ASGR1: variants seen among roughly 807,000 people sequenced by gnomAD.
ASGR1 encodes asialoglycoprotein receptor 1.
A neutral mutation model predicts 33.1 loss-of-function variants in ASGR1; 35 were observed. That is an observed-to-expected ratio of 1.06 (90% CI 0.81 to 1.40). The LOEUF (loss-of-function observed/expected upper bound fraction) is 1.40. Among genes scored for constraint, ASGR1 ranks in the 40% most tolerant of loss-of-function variants. ASGR1 has a pLI of 0.00. For synonymous variants in ASGR1, 142 were observed against 152.5 expected (o/e 0.93, Z 0.51); for missense variants, 396 against 373.7 (o/e 1.06, Z -0.49).
chr17:7,176,932 C>T (rs768291558), intron 4 of ASGR1, 31 bp from the exon 5 acceptor site: 1 of 1,609,814 alleles, frequency 6.2e-7, no homozygotes, highest in East Asian at 2.2e-5. Context: ...GCGTTCCCGA[C>T]AGCCCCCCAG....
chr17:7,176,459 A>C (rs2069210595), intron 5 of ASGR1, among the ~76,000 whole-genome samples: 1 of 141,338 alleles, frequency 7.1e-6, no homozygotes, highest in Admixed American at 7.1e-5. Flanking sequence ...ACTCCCTCTC[A>C]TTCCCACAGA....
At chr17:7,176,792 T>TACACACACA (rs2069220994) in intron 5 of ASGR1, 38 bp downstream of exon 5, 1 of 894,290 alleles carries the variant, frequency 1.1e-6, no homozygotes, top group Admixed American at 2.8e-5. Flanking sequence ...TCACTCTCTT[T>TACACACACA]CACACACACA....
At position 7,176,816 on chromosome 17, in the gene ASGR1, A is replaced by T. The variant is rs536081368; in HGVS notation, c.355+14T>A. 1.9e-6 allele frequency: 3 copies of T among 1,607,178 alleles called. No homozygotes were observed. The highest frequency in any genetic ancestry group is 1.7e-6 in the Non-Finnish European group (2 of 1,178,954). ...TTCACACACACACACACACACACAC[A>T]CTCCCTCTCTGACCTTCACTCAGGT... On this transcript the variant is annotated intron_variant, in intron 5 of 8. Coordinates refer to ENST00000269299, the MANE Select transcript of ASGR1 (RefSeq NM_001671.5).
chr17:7,176,792 T>TCTCA (rs145025195), intron 5 of ASGR1, 38 bp downstream of exon 5: 26 of 1,475,138 alleles, frequency 1.8e-5, no homozygotes, highest in South Asian at 1.3e-4. Flanking sequence ...TCACTCTCTT[T>TCTCA]CACACACACA....
intron 5 of ASGR1, among the ~76,000 whole-genome samples, chr17:7,175,330 CAA>C (rs1243116816): frequency 6.8e-6 from 1 of 147,278 alleles, no homozygotes; most frequent in African/African-American, 2.5e-5. Context: ...ACGACACACA[CAA>C]CACACCTTCA....
At chr17:7,175,401 TCACA>T (rs2069185448) in intron 5 of ASGR1, among the ~76,000 whole-genome samples, 2 of 132,870 alleles carry the variant, frequency 1.5e-5, no homozygotes, top group Admixed American at 7.4e-5. Flanking sequence ...CAACACACCC[TCACA>T]CAGGCACACA....
Position 7,173,930 on chromosome 17 carries a change from G to A in ASGR1, c.701+31C>T, listed in dbSNP as rs768379651. ...AGGGCCCCAGGGCGCGAAGGCGGCC[G>A]GACCCAGGCCGAGGGAGGGCGCGCA... On this transcript the variant is annotated intron_variant, in intron 8 of 8. Transcript: ENST00000269299. The surrounding 1 kb of genome is among the most constrained non-coding windows in gnomAD (Gnocchi z 4.7). 2 of 1,613,350 alleles carry A rather than the reference G, an allele frequency of 1.2e-6. No homozygotes were observed. The highest frequency in any genetic ancestry group is 1.7e-6 in the Non-Finnish European group (2 of 1,179,706).
chr17:7,177,112 A>G (rs1456924160), intron 3 of ASGR1, 36 bp from the exon 4 acceptor site: 7 of 1,613,270 alleles, frequency 4.3e-6, no homozygotes, highest in South Asian at 1.1e-5. Flanking sequence ...AGAAAACGGG[A>G]TCGCTGTGTC....
intron 5 of ASGR1, among the ~76,000 whole-genome samples, chr17:7,174,972 TACAC>T (rs577527473): frequency 4.1e-5 from 5 of 123,370 alleles, no homozygotes; most frequent in African/African-American, 1.3e-4. Flanking sequence ...AACACACCCT[TACAC>T]ACACATACAT....
intron 5 of ASGR1, 176 bp downstream of exon 5, chr17:7,176,654 C>G: frequency 1.2e-6 from 1 of 819,624 alleles, no homozygotes; most frequent in Non-Finnish European, 1.9e-6. Flanking sequence ...CCACACAAGG[C>G]TCTCATACAC....
At chr17:7,175,090 G>GACAACACACAAAACACACAAACAC in intron 5 of ASGR1, among the ~76,000 whole-genome samples, 1 of 118,726 alleles carries the variant, frequency 8.4e-6, no homozygotes, top group Admixed American at 8.7e-5. Flanking sequence ...CACATACACA[G>GACAACACACAAAACACACAAACAC]ACAACACACA....
intron 5 of ASGR1, among the ~76,000 whole-genome samples, chr17:7,176,054 ACT>A (rs374879549): frequency 6.6e-4 from 94 of 141,916 alleles, no homozygotes; most frequent in Middle Eastern, 4.0e-3. Context: ...ATTCACACAG[ACT>A]CACACACCCA....
chr17:7,177,538 C>CGGG (rs1567794550), intron 2 of ASGR1: 17 of 530,954 alleles, frequency 3.2e-5, no homozygotes, highest in African/African-American at 2.9e-4. Context: ...AGCGCTGAGC[C>CGGG]GCCCCATCCC....
chr17:7,174,885 G>A (rs1288805986), intron 5 of ASGR1, among the ~76,000 whole-genome samples: 8 of 134,984 alleles, frequency 5.9e-5, no homozygotes, highest in Non-Finnish European at 1.3e-4. Flanking sequence ...CCCACATACA[G>A]ACAACACATA....
intron 5 of ASGR1, among the ~76,000 whole-genome samples, chr17:7,175,869 TCACA>T (rs368357043): frequency 8.2e-5 from 11 of 134,310 alleles, no homozygotes; most frequent in Admixed American, 3.9e-4. Flanking sequence ...CTCCCACTCC[TCACA>T]CACAGTCTCA....
At chr17:7,176,714 A>G in intron 5 of ASGR1, 116 bp downstream of exon 5, 1 of 1,452,836 alleles carries the variant, frequency 6.9e-7, no homozygotes, top group Non-Finnish European at 9.4e-7. Flanking sequence ...TCACACACAC[A>G]CACACTCCCT....
intron 2 of ASGR1, chr17:7,177,726 T>C (rs573389487): frequency 6.6e-5 from 13 of 196,970 alleles, no homozygotes; most frequent in Admixed American, 5.3e-4. Flanking sequence ...TCTCTGTCCA[T>C]GAATTCCACT....
At chr17:7,175,135 TAC>T (rs940958197) in intron 5 of ASGR1, among the ~76,000 whole-genome samples, 2 of 130,552 alleles carry the variant, frequency 1.5e-5, no homozygotes, top group Non-Finnish European at 3.2e-5. Context: ...CTAACCCACA[TAC>T]ACACAACACA....
intron 5 of ASGR1, 137 bp downstream of exon 5, chr17:7,176,693 C>T: frequency 1.5e-6 from 2 of 1,315,252 alleles, no homozygotes; most frequent in Non-Finnish European, 2.1e-6. Flanking sequence ...CCCTCATTCT[C>T]ACACACAGAC....
Sources: gnomAD v4.1 joint callset for allele counts (sites outside exome capture counted in the v4.1 genomes callset) on GRCh38, gnomAD v4.1.1 for gene constraint, Gnocchi (gnomAD v3.1) non-coding constraint, MANE v1.5 for transcripts, NCBI Gene and HGNC (gene_info 2026-07-23, HGNC 2026-07-21) for gene names.